Variants in OXNAD1 observed in about 807,000 individuals in gnomAD.
The protein encoded by OXNAD1 is oxidoreductase NAD-binding domain-containing protein 1.
A neutral mutation model predicts 32.9 loss-of-function variants in OXNAD1; 34 were observed. The ratio of observed to expected loss-of-function variants is 1.03; its 90% CI spans 0.79 to 1.38. The LOEUF is 1.38. OXNAD1 is among the 40% of genes most tolerant of loss of function. The pLI is 0.00. For missense variants in OXNAD1, 407 were observed against 379.4 expected (o/e 1.07, Z -0.60); for synonymous variants, 134 against 135.2 (o/e 0.99, Z 0.06).
chr3:16,347,096 CT>C (rs1025071542), intron 9 of OXNAD1, among the ~76,000 whole-genome samples: 51 of 152,332 alleles, frequency 3.3e-4, no homozygotes, highest in African/African-American at 1.2e-3. Flanking sequence ...TTCCCCCATT[CT>C]GGCCCTTTCT....
At position 16,321,267 on chromosome 3, in the gene OXNAD1, G is replaced by A. The variant is rs927989729; in HGVS notation, c.*31-15845G>A. On this transcript the variant is annotated intron_variant, in intron 9 of 9. Transcript: ENST00000435829. This position sits in a 1 kb window ranked among gnomAD's most constrained non-coding sequence, Gnocchi z 4.8. ...TGAAAATGCAGGCGGAATGGTCATT[G>A]GCACAGAGGTGGTGAAGGAGATTTT... 6.6e-6 allele frequency among the ~76,000 whole-genome samples: 1 copy of A among 152,144 alleles called. No individual in the cohort carries two copies. The highest frequency in any genetic ancestry group is 2.4e-5 in the African/African-American group (1 of 41,414).
At chr3:16,323,388 C>G in intron 9 of OXNAD1, 1 of 1,609,064 alleles carries the variant, frequency 6.2e-7, no homozygotes, top group East Asian at 2.2e-5. Flanking sequence ...TCGATTCCTT[C>G]TTCTTGATTT....
rs979017395 is a variant in OXNAD1, at chr3:16,329,859, T to G, written c.*31-7253T>G. ...CCTCACAAAGCCCTGAGTGGCAGAA[T>G]GGAGTCCTTTTATTGGTGGCTGCAT... On this transcript the variant is annotated intron_variant, in intron 9 of 9. Coordinates refer to the OXNAD1 transcript ENST00000435829. This position sits in a 1 kb window ranked among gnomAD's most constrained non-coding sequence, Gnocchi z 4.5. 3.9e-5 allele frequency among the ~76,000 whole-genome samples: 6 copies of G among 152,124 alleles called. No homozygotes were observed. Among genetic ancestry groups the G allele is most frequent in the Non-Finnish European group, 5.9e-5 (4 of 68,018 alleles).
intron 4 of OXNAD1, among the ~76,000 whole-genome samples, chr3:16,278,491 C>G (rs2065508847): frequency 6.6e-6 from 1 of 152,192 alleles, no homozygotes; most frequent in African/African-American, 2.4e-5. Flanking sequence ...ACCCTGCTTC[C>G]TCATTTGCCT....
In OXNAD1 at chr3:16,335,628, G is replaced by A. The variant is rs1403217187; in HGVS notation, c.*31-1484G>A. On this transcript the variant is annotated intron_variant, in intron 9 of 9. Transcript: ENST00000435829. The surrounding 1 kb of genome is among the most constrained non-coding windows in gnomAD (Gnocchi z 4.7). ...CAACACACACTGGGACCTGTTGGAG[G>A]TGTGGGAGGAGGGAGAGCATCAGGA... Among the ~76,000 whole-genome samples, 1 of 152,184 alleles carries A rather than the reference G, an allele frequency of 6.6e-6. No homozygotes were observed. Among genetic ancestry groups the A allele is most frequent in the Non-Finnish European group, 1.5e-5 (1 of 68,040 alleles).
At chr3:16,347,732 A>G (rs1393013650) in intron 9 of OXNAD1, 2 of 152,234 alleles carry the variant, frequency 1.3e-5, no homozygotes, top group Non-Finnish European at 2.9e-5. Flanking sequence ...AGTCTTTACT[A>G]TATACACATT....
rs768955093 is a variant in OXNAD1, at chr3:16,317,115, G to T, written c.*30+13523G>T. On this transcript the variant is annotated intron_variant, in intron 9 of 9. Coordinates refer to the OXNAD1 transcript ENST00000435829. This position sits in a 1 kb window ranked among gnomAD's most constrained non-coding sequence, Gnocchi z 4.3. ...CCCATGTCTCCAGCTTTGGAAGACT[G>T]GTCTTCTAAGTTCTTCTCATTTTCT... 1.5e-5 allele frequency: 25 copies of T among 1,613,636 alleles called. No homozygotes were observed. The highest frequency in any genetic ancestry group is 1.9e-5 in the Non-Finnish European group (23 of 1,179,986).
chr3:16,311,627 A>G (rs983699400), intron 9 of OXNAD1, among the ~76,000 whole-genome samples: 10 of 152,196 alleles, frequency 6.6e-5, no homozygotes, highest in East Asian at 3.9e-4. Flanking sequence ...TCATTCCCCA[A>G]TCATTTGCAA....
At chr3:16,267,954 T>G (rs1194240377) in intron 1 of OXNAD1, among the ~76,000 whole-genome samples, 1 of 152,222 alleles carries the variant, frequency 6.6e-6, no homozygotes, top group East Asian at 1.9e-4. Context: ...CAGTTTTATT[T>G]AGCACTTATT....
chr3:16,336,191 C>A lies in OXNAD1; in HGVS notation c.*31-921C>A, dbSNP rs530910163. Among the ~76,000 whole-genome samples the A allele has an allele frequency of 6.6e-6, 1 of 152,246 alleles. No homozygotes were observed. The highest frequency in any genetic ancestry group is 1.5e-5 in the Non-Finnish European group (1 of 68,038). On this transcript the variant is annotated intron_variant, in intron 9 of 9. Coordinates refer to the OXNAD1 transcript ENST00000435829. This position sits in a 1 kb window ranked among gnomAD's most constrained non-coding sequence, Gnocchi z 6.0. ...GCGGGCAGTGTTGCAGAAAACTCCACGTGGCCCTCAGGATGCTAAAGGGCA... is the reference window on the plus strand; with the variant it reads ...GCGGGCAGTGTTGCAGAAAACTCCAAGTGGCCCTCAGGATGCTAAAGGGCA...
At chr3:16,278,975 C>T (rs1254556721) in intron 4 of OXNAD1, among the ~76,000 whole-genome samples, 1 of 152,240 alleles carries the variant, frequency 6.6e-6, no homozygotes, top group African/African-American at 2.4e-5. Context: ...ATCACCTATG[C>T]ATGTCAAGGA....
In OXNAD1 at chr3:16,303,860, C is replaced by CA. The variant is rs1015906101; in HGVS notation, c.*306dup. The CA allele has an allele frequency of 8.6e-5, 17 of 196,894 alleles. No homozygotes were observed. The highest frequency in any genetic ancestry group is 1.7e-4 in the South Asian group (1 of 6,012). The allele number at this position is 196,894 out of a possible 1,614,324, so 12.2% of individuals were successfully genotyped here. A position where few individuals can be genotyped will look rare whatever the true frequency, so the allele number is the denominator to read the frequency against. On this transcript the variant is annotated 3_prime_UTR_variant, in exon 9 of 9. Coordinates refer to ENST00000285083, the MANE Select transcript of OXNAD1 (RefSeq NM_138381.5). The surrounding 1 kb of genome is among the most constrained non-coding windows in gnomAD (Gnocchi z 4.8). ...TATAGATTTTTCTTTTGTCTTTAGG[C>CA]AAAAAAAAGATATATACTTATGTCT...
Position 16,335,451 on chromosome 3 carries a change from G to A in OXNAD1, c.*31-1661G>A, listed in dbSNP as rs1354839866. 2.0e-5 allele frequency among the ~76,000 whole-genome samples: 3 copies of A among 152,226 alleles called. No homozygotes were observed. Among genetic ancestry groups the A allele is most frequent in the Non-Finnish European group, 2.9e-5 (2 of 68,042 alleles). ...GCAGCCTTAAAAAGGAACGAATCAC[G>A]TCCTTTGTGGGGACATGGATGGAGC... On this transcript the variant is annotated intron_variant, in intron 9 of 9. Transcript: ENST00000435829. The surrounding 1 kb of genome is among the most constrained non-coding windows in gnomAD (Gnocchi z 4.7).
chr3:16,349,146 C>G (rs904208667), intron 9 of OXNAD1: 26 of 152,210 alleles, frequency 1.7e-4, no homozygotes, highest in Non-Finnish European at 3.1e-4. Flanking sequence ...ACTGTATAAA[C>G]TAAGCTTTTC....
rs1491581919 is a variant in OXNAD1 at position 16,345,264 on chromosome 3, T to TTTGTGTGTGTGTGTGTGTGTG, written c.*31-3911_*31-3910insTGTGTGTGTGTGTGTGTGTGT. ...AAACTGTAAGATAATAAGTAGGTGG[T>TTTGTGTGTGTGTGTGTGTGTG]TGTGTGTGTGTGTGTGTGTGTGTGT... On this transcript the variant is annotated intron_variant, in intron 9 of 9. Transcript: ENST00000606098. The surrounding 1 kb of genome is among the most constrained non-coding windows in gnomAD (Gnocchi z 5.2). 37 of 145,928 alleles carry TTTGTGTGTGTGTGTGTGTGTG rather than the reference T, an allele frequency of 2.5e-4. 2 individuals are homozygous for TTTGTGTGTGTGTGTGTGTGTG. The highest frequency in any genetic ancestry group is 9.5e-4 in the African/African-American group (36 of 37,850). The allele number at this position is 145,928 out of a possible 1,614,324, so 9.0% of individuals were successfully genotyped here. A position where few individuals can be genotyped will look rare whatever the true frequency, so the allele number is the denominator to read the frequency against.
rs1380876723 is a variant in OXNAD1, at chr3:16,335,564, GAAAACACAT to G, written c.*31-1547_*31-1539del. On this transcript the variant is annotated intron_variant, in intron 9 of 9. Coordinates refer to the OXNAD1 transcript ENST00000435829. This position sits in a 1 kb window ranked among gnomAD's most constrained non-coding sequence, Gnocchi z 4.7. ...CTTACAAGTGGGAGAGCTGAACGGT[GAAAACACAT>G]GTGAAAACACATGGACACATGGTGG... is the stretch of plus-strand genomic sequence containing the variant. 3.9e-5 allele frequency among the ~76,000 whole-genome samples: 6 copies of G among 152,160 alleles called. No individual in the cohort carries two copies. The highest frequency in any genetic ancestry group is 3.3e-4 in the Admixed American group (5 of 15,270).
intron 5 of OXNAD1, among the ~76,000 whole-genome samples, chr3:16,292,755 C>T (rs1003634707): frequency 6.6e-6 from 1 of 152,184 alleles, no homozygotes; most frequent in Non-Finnish European, 1.5e-5. Flanking sequence ...ATTCAGTTCT[C>T]CCAGTGCCAC....
At chr3:16,281,859 C>T (rs1187144655) in intron 4 of OXNAD1, among the ~76,000 whole-genome samples, 1 of 146,628 alleles carries the variant, frequency 6.8e-6, no homozygotes, top group African/African-American at 2.5e-5. Context: ...ATTATTATAT[C>T]GAAAGAAAAA....
In OXNAD1 at chr3:16,303,136, T is replaced by TC. The variant is rs1427074402; in HGVS notation, c.785-270dup. Among the ~76,000 whole-genome samples, 1 of 152,218 alleles carries TC rather than the reference T, an allele frequency of 6.6e-6. No individual in the cohort carries two copies. Among genetic ancestry groups the TC allele is most frequent in the African/African-American group, 2.4e-5 (1 of 41,460 alleles). On this transcript the variant is annotated intron_variant, in intron 8 of 8. Coordinates refer to ENST00000285083, the MANE Select transcript of OXNAD1 (RefSeq NM_138381.5). This position sits in a 1 kb window ranked among gnomAD's most constrained non-coding sequence, Gnocchi z 4.8. The stretch of plus-strand genomic sequence containing the variant: ...TCCTTTGCTGAAGGCAATTTGTATC[T>TC]CCATCAAAGACCAGTAAGCTAGCTG...
Sources: gnomAD v4.1 joint callset for allele counts (sites outside exome capture counted in the v4.1 genomes callset) on GRCh38, gnomAD v4.1.1 for gene constraint, Gnocchi (gnomAD v3.1) non-coding constraint, MANE v1.5 for transcripts, NCBI Gene and HGNC (gene_info 2026-07-23, HGNC 2026-07-21) for gene names.